Variants in RPH3A observed in about 807,000 individuals in gnomAD.
The protein encoded by RPH3A is rabphilin-3A.
Under a neutral mutation model 102.2 loss-of-function variants are expected in RPH3A, and 48 were observed. The observed-to-expected ratio is 0.47, with a 90% CI of 0.37 to 0.60. The LOEUF is 0.60. Among genes scored for constraint, RPH3A ranks in the 20% least tolerant of loss-of-function variants. RPH3A has a pLI of 0.00. For synonymous variants in RPH3A, 310 were observed against 324.3 expected (o/e 0.96, Z 0.47); for missense variants, 781 against 910.1 (o/e 0.86, Z 1.83).
At chr12:112,854,335 A>G (rs892102349) in intron 5 of RPH3A, among the ~76,000 whole-genome samples, 2 of 152,266 alleles carry the variant, frequency 1.3e-5, no homozygotes, top group African/African-American at 4.8e-5. Flanking sequence ...TTTTCTTGCA[A>G]TAGTAACTCA....
chr12:112,684,267 TG>T (rs1566257825), intron 1 of RPH3A, among the ~76,000 whole-genome samples: 1 of 152,152 alleles, frequency 6.6e-6, no homozygotes, highest in African/African-American at 2.4e-5. Context: ...GTTTTGCTTT[TG>T]TTTTTTTTGA....
At chr12:112,858,568 G>A (rs891820011) in intron 5 of RPH3A, among the ~76,000 whole-genome samples, 2 of 152,142 alleles carry the variant, frequency 1.3e-5, no homozygotes, top group African/African-American at 2.4e-5. Context: ...GCTCATACTT[G>A]TCCTTCAGGG....
intron 1 of RPH3A, among the ~76,000 whole-genome samples, chr12:112,732,342 A>C (rs1424372229): frequency 1.3e-5 from 2 of 152,168 alleles, no homozygotes; most frequent in African/African-American, 4.8e-5. Context: ...GAAGTCCAAC[A>C]CACTTGGGCT....
intron 1 of RPH3A, among the ~76,000 whole-genome samples, chr12:112,654,205 A>T (rs1424813672): frequency 6.6e-6 from 1 of 152,130 alleles, no homozygotes; most frequent in Non-Finnish European, 1.5e-5. Flanking sequence ...TCCTTTTGTC[A>T]TCATAGATGT....
At chr12:112,749,797 T>G (rs1164923214) in intron 1 of RPH3A, among the ~76,000 whole-genome samples, 1 of 152,210 alleles carries the variant, frequency 6.6e-6, no homozygotes, top group Non-Finnish European at 1.5e-5. Context: ...TCAACCAGAC[T>G]AATAGTTTGT....
chr12:112,871,604 A>G (rs917106349), intron 10 of RPH3A, among the ~76,000 whole-genome samples: 1 of 152,066 alleles, frequency 6.6e-6, no homozygotes, highest in African/African-American at 2.4e-5. Context: ...GACTTTGAGC[A>G]GTAGGATATA....
At chr12:112,783,078 A>G (rs932140908) in intron 1 of RPH3A, among the ~76,000 whole-genome samples, 3 of 151,964 alleles carry the variant, frequency 2.0e-5, no homozygotes, top group African/African-American at 7.3e-5. Flanking sequence ...GGCTCTCACC[A>G]TTTCTGTAGC....
Position 112,881,817 on chromosome 12 carries a change from A to C in RPH3A, c.1297A>C (p.Lys433Gln). The change falls in exon 15 of 22, where the codon AAG becomes CAG. Residue 433 changes from lysine (K) to glutamine (Q), a missense_variant. By Grantham distance (53) the Lys-to-Gln change is moderately conservative (BLOSUM62 1). Transcript: ENST00000389385. ...AAACGGCTTGGCTGATCCCTACGTT[A>C]AGCTGCACCTCCTGCCGGGAGCCAG... ...DSNGLADPYV[K>Q]LHLLPGASKS... 6.2e-7 allele frequency: 1 copy of C among 1,612,240 alleles called. No individual in the cohort carries two copies.
chr12:112,792,497 G>A (rs1477305867), intron 2 of RPH3A, among the ~76,000 whole-genome samples: 2 of 152,206 alleles, frequency 1.3e-5, no homozygotes, highest in Non-Finnish European at 1.5e-5. Flanking sequence ...TCATGTTGTA[G>A]GCAATGCGAT....
At chr12:112,609,861 G>A (rs181253281) in intron 1 of RPH3A, among the ~76,000 whole-genome samples, 2 of 152,322 alleles carry the variant, frequency 1.3e-5, no homozygotes, top group Admixed American at 1.3e-4. Context: ...AATGGTCCTG[G>A]TGTCCATGGT....
chr12:112,735,330 CA>C (rs1305949865), intron 1 of RPH3A, among the ~76,000 whole-genome samples: 2 of 152,118 alleles, frequency 1.3e-5, no homozygotes, highest in African/African-American at 4.8e-5. Flanking sequence ...TCAATAGAAA[CA>C]AAAGGAAAAG....
intron 2 of RPH3A, among the ~76,000 whole-genome samples, chr12:112,818,651 G>A (rs1180090672): frequency 6.6e-6 from 1 of 152,142 alleles, no homozygotes; most frequent in Admixed American, 6.5e-5. Flanking sequence ...ATACACTGAT[G>A]GGCCAGGCAC....
At chr12:112,750,239 T>C (rs989078766) in intron 1 of RPH3A, among the ~76,000 whole-genome samples, 4 of 152,218 alleles carry the variant, frequency 2.6e-5, no homozygotes, top group African/African-American at 9.6e-5. Flanking sequence ...ACTGTCTTAG[T>C]TTGGGTTCCT....
At chr12:112,855,079 G>T (rs752346321) in intron 5 of RPH3A, among the ~76,000 whole-genome samples, 15 of 152,170 alleles carry the variant, frequency 9.9e-5, no homozygotes, top group Non-Finnish European at 1.6e-4. Context: ...AGGGAGAAGG[G>T]TCAGAAAGAA....
chr12:112,887,671 C>G (rs2043025117), intron 16 of RPH3A, 126 bp from the exon 17 acceptor site: 3 of 1,054,612 alleles, frequency 2.8e-6, no homozygotes, highest in Admixed American at 4.7e-5. Context: ...GATAAATAAA[C>G]AGGAAATCAT....
chr12:112,647,387 GT>G lies in RPH3A; in HGVS notation c.-140+72070del, dbSNP rs2039939286. 2.6e-5 allele frequency among the ~76,000 whole-genome samples: 4 copies of G among 152,100 alleles called. 1 individual carries two copies. In the South Asian group the frequency reaches 8.3e-4, roughly 32 times the overall value. On this transcript the variant is annotated intron_variant, in intron 1 of 21. Transcript: ENST00000543106. ...ATAAAGGTAACTACTTCCTAAGATG[GT>G]TATATTTTGGGGTATATTTAGTTAT...
At chr12:112,582,324 C>A (rs1432524706) in intron 1 of RPH3A, among the ~76,000 whole-genome samples, 1 of 147,428 alleles carries the variant, frequency 6.8e-6, no homozygotes, top group African/African-American at 2.5e-5. Flanking sequence ...TAGCTCACTG[C>A]AGCCTCCAGC....
At chr12:112,635,713 G>T (rs1343883928) in intron 1 of RPH3A, among the ~76,000 whole-genome samples, 2 of 152,160 alleles carry the variant, frequency 1.3e-5, no homozygotes, top group Non-Finnish European at 2.9e-5. Context: ...GGAGGGAGGG[G>T]AGTAAATGTA....
intron 2 of RPH3A, among the ~76,000 whole-genome samples, chr12:112,796,673 C>T (rs2136095538): frequency 1.3e-5 from 2 of 152,338 alleles, no homozygotes; most frequent in Middle Eastern, 3.4e-3. Context: ...CCTGCCATTG[C>T]TATTTATCAT....
Sources: allele counts gnomAD v4.1 joint callset (sites outside exome capture counted in the v4.1 genomes callset), GRCh38; gene constraint gnomAD v4.1.1; transcripts MANE v1.5; gene names NCBI Gene and HGNC (gene_info 2026-07-23, HGNC 2026-07-21).